Variants in PSMF1 observed in about 807,000 individuals in gnomAD.
PSMF1 encodes the protein proteasome inhibitor PI31 subunit.
Under a neutral mutation model 29.3 loss-of-function variants are expected in PSMF1, and 30 were observed. The ratio of observed to expected loss-of-function variants is 1.02; its 90% CI spans 0.77 to 1.39. The LOEUF is 1.39. Ranked by LOEUF, PSMF1 falls within the 40% of genes most tolerant of loss-of-function variation. The pLI, the probability that PSMF1 is intolerant of heterozygous loss-of-function variation, is 0.00. For synonymous variants in PSMF1, 134 were observed against 139.7 expected (o/e 0.96, Z 0.29); for missense variants, 344 against 357.5 (o/e 0.96, Z 0.31).
At chr20:1,151,299 A>G (rs995835095) in intron 4 of PSMF1, among the ~76,000 whole-genome samples, 1 of 152,232 alleles carries the variant, frequency 6.6e-6, no homozygotes, top group Non-Finnish European at 1.5e-5. Flanking sequence ...CAGGTAAGGA[A>G]GCTGAAGTTC....
intron 4 of PSMF1, among the ~76,000 whole-genome samples, chr20:1,153,690 C>A (rs1463083877): frequency 6.6e-6 from 1 of 152,124 alleles, no homozygotes; most frequent in Non-Finnish European, 1.5e-5. Flanking sequence ...TGAAATATAT[C>A]TTTCTTCCCC....
intron 4 of PSMF1, among the ~76,000 whole-genome samples, chr20:1,152,214 A>G (rs1257701252): frequency 1.3e-5 from 2 of 152,222 alleles, no homozygotes; most frequent in Non-Finnish European, 2.9e-5. Context: ...TTTAAGCCTC[A>G]TAAGAGAATG....
At chr20:1,135,711 A>G (rs994153338) in intron 4 of PSMF1, among the ~76,000 whole-genome samples, 3 of 152,250 alleles carry the variant, frequency 2.0e-5, no homozygotes, top group African/African-American at 7.2e-5. Flanking sequence ...TAGAGGTACT[A>G]GCCCAGAGGA....
At chr20:1,119,025 T>A in intron 1 of PSMF1, 123 bp downstream of exon 1, 2 of 1,319,634 alleles carry the variant, frequency 1.5e-6, no homozygotes, top group East Asian at 4.8e-5. Flanking sequence ...CTGGGGCAGA[T>A]GGCAGCGTTG....
At chr20:1,141,224 T>C (rs1445905335) in intron 4 of PSMF1, among the ~76,000 whole-genome samples, 1 of 152,184 alleles carries the variant, frequency 6.6e-6, no homozygotes, top group Non-Finnish European at 1.5e-5. Context: ...AGGTTTCTTT[T>C]TGGGGTGAAG....
At chr20:1,117,342 T>A (rs1361914971), upstream of PSMF1, among the ~76,000 whole-genome samples, 4 of 151,734 alleles carry the variant, frequency 2.6e-5, no homozygotes, top group Non-Finnish European at 5.9e-5. Context: ...TCTTTTTTTT[T>A]TTTTTTCTTT....
At chr20:1,155,187 C>T (rs779025931) in intron 4 of PSMF1, among the ~76,000 whole-genome samples, 11 of 152,290 alleles carry the variant, frequency 7.2e-5, no homozygotes, top group East Asian at 1.9e-4. Context: ...TGAACATTGG[C>T]GTGGACGGAG....
At chr20:1,156,653 C>T (rs1279446104) in intron 4 of PSMF1, among the ~76,000 whole-genome samples, 1 of 152,104 alleles carries the variant, frequency 6.6e-6, no homozygotes, top group Non-Finnish European at 1.5e-5. Flanking sequence ...ATTCTATATC[C>T]AGTGAATATT....
chr20:1,156,524 C>G (rs1194146287), intron 4 of PSMF1, among the ~76,000 whole-genome samples: 1 of 152,118 alleles, frequency 6.6e-6, no homozygotes, highest in Non-Finnish European at 1.5e-5. Flanking sequence ...AAAAACAACT[C>G]ATTGCTTAAA....
At chr20:1,128,635 C>T (rs530708904) in intron 3 of PSMF1, among the ~76,000 whole-genome samples, 27 of 152,256 alleles carry the variant, frequency 1.8e-4, no homozygotes, top group African/African-American at 6.3e-4. Flanking sequence ...ATGAAATTAT[C>T]TGTTTTATAT....
intron 3 of PSMF1, among the ~76,000 whole-genome samples, chr20:1,133,058 C>T (rs1394780456): frequency 6.8e-6 from 1 of 146,380 alleles, no homozygotes; most frequent in Admixed American, 6.9e-5. Context: ...TCCTTACTTG[C>T]TAATATGAAT....
intron 1 of PSMF1, 103 bp from the exon 2 acceptor site, chr20:1,125,395 A>C (rs1207517282): frequency 8.0e-7 from 1 of 1,248,862 alleles, no homozygotes; most frequent in Admixed American, 2.9e-5. Flanking sequence ...CCACATCTTC[A>C]TCTGTGAAGT....
chr20:1,117,469 G>A (rs540656234), upstream of PSMF1, among the ~76,000 whole-genome samples: 41 of 151,944 alleles, frequency 2.7e-4, no homozygotes, highest in African/African-American at 8.4e-4. Flanking sequence ...TCAGCCTCCC[G>A]AGTACCTGGG....
rs1407427075 is a variant in PSMF1, at chr20:1,168,861, G to C, written c.*3781G>C. ...TCCAATAAGGCACCACCAGGGCAAGGGAAGATTCCCCACATGTATATCCCC... is the reference window on the plus strand; with the variant it reads ...TCCAATAAGGCACCACCAGGGCAAGCGAAGATTCCCCACATGTATATCCCC... On this transcript the variant is annotated 3_prime_UTR_variant, in exon 7 of 7. Coordinates refer to ENST00000335877, the MANE Select transcript of PSMF1 (RefSeq NM_006814.5). 6.6e-6 allele frequency among the ~76,000 whole-genome samples: 1 copy of C among 152,108 alleles called. No homozygotes were observed. The highest frequency in any genetic ancestry group is 2.4e-5 in the African/African-American group (1 of 41,414).
Position 1,163,335 on chromosome 20 carries a change from T to C in PSMF1, c.605+152T>C. ...GAGCAGCTGAGAAAGCACTGCCACA[T>C]ACGCTGCCCCTCCACACCTAGAGCG... On this transcript the variant is annotated intron_variant, in intron 5 of 6. Coordinates refer to ENST00000335877, the MANE Select transcript of PSMF1 (RefSeq NM_006814.5). The surrounding 1 kb of genome is among the most constrained non-coding windows in gnomAD (Gnocchi z 6.1). 1.2e-6 allele frequency: 1 copy of C among 840,880 alleles called. No homozygotes were observed. The highest frequency in any genetic ancestry group is 1.9e-6 in the Non-Finnish European group (1 of 522,782). 52.1% of individuals were successfully genotyped at this position (840,880 alleles called of 1,614,324 possible). A position where few individuals can be genotyped will look rare whatever the true frequency, so the allele number is the denominator to read the frequency against.
At chr20:1,135,344 G>A (rs1292917654) in intron 4 of PSMF1, 38 bp downstream of exon 4, 1 of 1,556,668 alleles carries the variant, frequency 6.4e-7, no homozygotes, top group Non-Finnish European at 8.7e-7. Context: ...CCATGCTTCT[G>A]TAGAGGGATT....
At position 1,164,530 on chromosome 20, in the gene PSMF1, A is replaced by G. The variant is rs937868406; in HGVS notation, c.764+54A>G. 2 of 1,598,214 alleles carry G rather than the reference A, an allele frequency of 1.3e-6. No individual in the cohort carries two copies. The highest frequency in any genetic ancestry group is 1.3e-5 in the African/African-American group (1 of 74,544). On this transcript the variant is annotated intron_variant, in intron 6 of 6. Transcript: ENST00000335877. This position sits in a 1 kb window ranked among gnomAD's most constrained non-coding sequence, Gnocchi z 4.1. ...GTAGGACCTGATGGCAGCTTGGTTC[A>G]GTGTGGCAGCAATGAAGGTTTCTAG...
chr20:1,131,090 G>A (rs868606156), intron 3 of PSMF1, among the ~76,000 whole-genome samples: 43 of 152,156 alleles, frequency 2.8e-4, no homozygotes, highest in African/African-American at 9.7e-4. Context: ...CGCGCCTCTG[G>A]GTGTTGCACA....
At position 1,172,201 on chromosome 20, in the gene PSMF1, C is replaced by T. The variant is rs1276623922; in HGVS notation, c.*7121C>T. On this transcript the variant is annotated 3_prime_UTR_variant, in exon 7 of 7. Coordinates refer to ENST00000335877, the MANE Select transcript of PSMF1 (RefSeq NM_006814.5). ...GCCCAGGTTTGCCCACAAATGTGCT[C>T]TGACTGGCGTGCATGTTATTAAATT... 1.3e-5 allele frequency among the ~76,000 whole-genome samples: 2 copies of T among 152,216 alleles called. No homozygotes were observed. Among genetic ancestry groups the T allele is most frequent in the Non-Finnish European group, 2.9e-5 (2 of 68,036 alleles).
Sources: allele counts gnomAD v4.1 joint callset (sites outside exome capture counted in the v4.1 genomes callset), GRCh38; gene constraint gnomAD v4.1.1; non-coding constraint Gnocchi (gnomAD v3.1); transcripts MANE v1.5; gene names NCBI Gene and HGNC (gene_info 2026-07-23, HGNC 2026-07-21).